PLCG1: variants seen among roughly 807,000 people sequenced by gnomAD.
The protein encoded by PLCG1 is 1-phosphatidylinositol 4,5-bisphosphate phosphodiesterase gamma-1.
PLCG1 carries 71 observed loss-of-function variants against 177.8 expected under a neutral mutation model. That is an observed-to-expected ratio of 0.40 (90% CI 0.33 to 0.49). PLCG1 has a LOEUF of 0.49. Ranked by LOEUF, PLCG1 falls within the 20% of genes least tolerant of loss-of-function variation. The probability of loss-of-function intolerance (pLI) is 0.72; values close to 1 mark genes in which losing one functional copy is unlikely to be tolerated. For missense variants in PLCG1, 1,281 were observed against 1,709.0 expected, an observed-to-expected ratio of 0.75 and a Z score of 4.42; for synonymous variants, 658 against 647.9, an observed-to-expected ratio of 1.02 and a Z score of -0.24.
rs533059380 is a variant in PLCG1 at position 41,151,937 on chromosome 20, C to T, written c.218-7669C>T. ...AGGGGGATCTGCAGTGCAGTGCCTGCCGTACCCCACAGGGAGTTGTATAGG... is the reference window on the plus strand; with the variant it reads ...AGGGGGATCTGCAGTGCAGTGCCTGTCGTACCCCACAGGGAGTTGTATAGG... On this transcript the variant is annotated intron_variant, in intron 1 of 31. Transcript: ENST00000685551. This position sits in a 1 kb window ranked among gnomAD's most constrained non-coding sequence, Gnocchi z 5.5. Among the ~76,000 whole-genome samples the T allele has an allele frequency of 6.6e-6, 1 of 152,322 alleles. No homozygotes were observed. The highest frequency in any genetic ancestry group is 2.4e-5 in the African/African-American group (1 of 41,578).
chr20:41,159,479 T>G lies in PLCG1; in HGVS notation c.218-127T>G. 2 of 876,726 alleles carry G rather than the reference T, an allele frequency of 2.3e-6. No individual in the cohort carries two copies. The highest frequency in any genetic ancestry group is 3.5e-6 in the Non-Finnish European group (2 of 571,038). The allele number at this position is 876,726 out of a possible 1,614,324, so 54.3% of individuals were successfully genotyped here. Reference sequence around the variant, plus strand: ...TCTTATTACCAGAGTGACTGAGTGGTCTTGGCTCTGCCTCTGGGGTTCCTC... The same window carrying G: ...TCTTATTACCAGAGTGACTGAGTGGGCTTGGCTCTGCCTCTGGGGTTCCTC... On this transcript the variant is annotated intron_variant, in intron 1 of 31. Coordinates refer to ENST00000685551, the MANE Select transcript of PLCG1 (RefSeq NM_002660.3). The surrounding 1 kb of genome is among the most constrained non-coding windows in gnomAD (Gnocchi z 6.0).
At chr20:41,140,915 C>G (rs948468551) in intron 1 of PLCG1, among the ~76,000 whole-genome samples, 2 of 152,164 alleles carry the variant, frequency 1.3e-5, no homozygotes, top group Non-Finnish European at 2.9e-5. Context: ...CAGCTGGGGC[C>G]AGCTCACTAG....
chr20:41,163,259 T>C lies in PLCG1; in HGVS notation c.773T>C (p.Leu258Pro). Residue 258 changes from leucine to proline, a missense_variant, in exon 8 of 32, where the codon CTT (leucine) becomes CCT (proline). This residue lies in a region of PLCG1 where 374 missense variants were observed against 443.8 expected (regional missense o/e 0.84). Coordinates refer to ENST00000685551, the MANE Select transcript of PLCG1 (RefSeq NM_002660.3). The surrounding 1 kb of genome is among the most constrained non-coding windows in gnomAD (Gnocchi z 5.2). ...TCCCTTCCTGAGTTCCAGCAGTTCCTTCTTGACTACCAGGGGGTATGGCTG... is the reference window on the plus strand; with the variant it reads ...TCCCTTCCTGAGTTCCAGCAGTTCCCTCTTGACTACCAGGGGGTATGGCTG... ...RVSLPEFQQF[L>P]LDYQGELWAV... The C allele has an allele frequency of 6.4e-7, 1 of 1,559,180 alleles. No individual in the cohort carries two copies. The highest frequency in any genetic ancestry group is 8.7e-7 in the Non-Finnish European group (1 of 1,154,818).
chr20:41,169,713 C>A, intron 23 of PLCG1, 187 bp downstream of exon 23: 1 of 602,176 alleles, frequency 1.7e-6, no homozygotes. Context: ...AGCTTTGACC[C>A]CTGCATGTTT....
In PLCG1 at chr20:41,163,063, C is replaced by G. The variant is rs935432344; in HGVS notation, c.716+71C>G. The G allele has an allele frequency of 6.5e-7, 1 of 1,548,402 alleles. No individual in the cohort carries two copies. The highest frequency in any genetic ancestry group is 1.4e-5 in the African/African-American group (1 of 73,714). On this transcript the variant is annotated intron_variant, in intron 7 of 31. Coordinates refer to ENST00000685551, the MANE Select transcript of PLCG1 (RefSeq NM_002660.3). This position sits in a 1 kb window ranked among gnomAD's most constrained non-coding sequence, Gnocchi z 5.2. Reference sequence around the variant, plus strand: ...ATCTCTCCACTGGGCGATTCTTGATCCAGGTGGGAGGCAGTGGGAGTAGGG... The same window carrying G: ...ATCTCTCCACTGGGCGATTCTTGATGCAGGTGGGAGGCAGTGGGAGTAGGG...
intron 1 of PLCG1, among the ~76,000 whole-genome samples, chr20:41,152,357 TA>T (rs1310628033): frequency 6.6e-6 from 1 of 152,230 alleles, no homozygotes; most frequent in Non-Finnish European, 1.5e-5. Context: ...CCACTGGCTA[TA>T]GGAATCTTTA....
In PLCG1 at chr20:41,173,497, T is replaced by C; in HGVS notation, c.3357T>C (p.Ala1119=). Residue 1119 remains alanine, a synonymous_variant, in exon 28 of 32, where the codon GCT becomes GCC. Transcript: ENST00000685551. The surrounding 1 kb of genome is among the most constrained non-coding windows in gnomAD (Gnocchi z 6.2). ...CPFVEIEVAG[A]EYDSTKQKTE... Reference sequence around the variant, plus strand: ...TTGTGGAGATTGAGGTGGCTGGAGCTGAGTATGACAGCACCAAGCAGAAGA... The same window carrying C: ...TTGTGGAGATTGAGGTGGCTGGAGCCGAGTATGACAGCACCAAGCAGAAGA... 1 of 1,587,090 alleles carries C rather than the reference T, an allele frequency of 6.3e-7. No homozygotes were observed. The highest frequency in any genetic ancestry group is 8.6e-7 in the Non-Finnish European group (1 of 1,166,582).
chr20:41,173,090 C>T lies in PLCG1; in HGVS notation c.3279+213C>T, dbSNP rs987575977. ...GCCATGGTGTGACTTGTTCTGATGACTTGTTTTGTTCTGATGAGATCTTTT... is the reference window on the plus strand; with the variant it reads ...GCCATGGTGTGACTTGTTCTGATGATTTGTTTTGTTCTGATGAGATCTTTT... On this transcript the variant is annotated intron_variant, in intron 27 of 31. Transcript: ENST00000685551. The surrounding 1 kb of genome is among the most constrained non-coding windows in gnomAD (Gnocchi z 6.2). Among the ~76,000 whole-genome samples the T allele has an allele frequency of 1.3e-5, 2 of 152,148 alleles. No homozygotes were observed. Among genetic ancestry groups the T allele is most frequent in the Non-Finnish European group, 2.9e-5 (2 of 68,032 alleles).
rs1225247921 is a variant in PLCG1, at chr20:41,177,322, A to G, written c.*2813A>G. The G allele has an allele frequency of 6.6e-6, 1 of 152,276 alleles. No individual in the cohort carries two copies. The highest frequency in any genetic ancestry group is 1.5e-5 in the Non-Finnish European group (1 of 68,066). The allele number at this position is 152,276 out of a possible 1,614,324, so 9.4% of individuals were successfully genotyped here. ...AGGGGCATTCTGCCCCCGCCACAGG[A>G]CTAAAGACTGCCCTGCGGGAAGATG... On this transcript the variant is annotated 3_prime_UTR_variant, in exon 32 of 32. Transcript: ENST00000685551.
At chr20:41,169,711 C>A in intron 23 of PLCG1, 185 bp downstream of exon 23, 1 of 605,452 alleles carries the variant, frequency 1.7e-6, no homozygotes, top group Non-Finnish European at 2.9e-6. Context: ...TCAGCTTTGA[C>A]CCCTGCATGT....
chr20:41,160,137 C>A lies in PLCG1; in HGVS notation c.496C>A (p.Arg166=). 6.2e-7 allele frequency: 1 copy of A among 1,614,022 alleles called. No homozygotes were observed. The highest frequency in any genetic ancestry group is 8.5e-7 in the Non-Finnish European group (1 of 1,179,940). The change falls in exon 4 of 32, where the codon CGG becomes AGG. Residue 166 remains arginine, a synonymous_variant. Transcript: ENST00000685551. The surrounding 1 kb of genome is among the most constrained non-coding windows in gnomAD (Gnocchi z 5.5). ...CCGGAAGCAGTTTTACTCAGTGGAT[C>A]GGAATCGTGAGGATCGGTAAGTACT... is the stretch of plus-strand genomic sequence containing the variant. ...WLRKQFYSVD[R]NREDRISAKD...
chr20:41,156,014 G>C lies in PLCG1; in HGVS notation c.218-3592G>C, dbSNP rs2035310770. Reference sequence around the variant, plus strand: ...AGAAGGCAGATCTCCATCAGGGCAGGGAGCAGAGCAAGGCCCCAGGATTCT... The same window carrying C: ...AGAAGGCAGATCTCCATCAGGGCAGCGAGCAGAGCAAGGCCCCAGGATTCT... On this transcript the variant is annotated intron_variant, in intron 1 of 31. Transcript: ENST00000685551. This position sits in a 1 kb window ranked among gnomAD's most constrained non-coding sequence, Gnocchi z 5.0. Among the ~76,000 whole-genome samples, 1 of 152,166 alleles carries C rather than the reference G, an allele frequency of 6.6e-6. No homozygotes were observed. The highest frequency in any genetic ancestry group is 6.5e-5 in the Admixed American group (1 of 15,282).
In PLCG1 at chr20:41,162,239, T is replaced by TG. The variant is rs1174528825; in HGVS notation, c.513-213_513-212insG. 157 of 263,764 alleles carry TG rather than the reference T, an allele frequency of 6.0e-4. 1 individual carries two copies. The highest frequency in any genetic ancestry group is 3.9e-3 in the South Asian group (22 of 5,580). 16.3% of individuals were successfully genotyped at this position (263,764 alleles called of 1,614,324 possible). A position where few individuals can be genotyped will look rare whatever the true frequency, so the allele number is the denominator to read the frequency against. On this transcript the variant is annotated intron_variant, in intron 4 of 31. Transcript: ENST00000685551. ...TTTTTTGTTTGTTTTGTTTTTGTTT[T>TG]TTTTTTTTTTTTTTTTGCTCAGATG...
chr20:41,165,930 A>G lies in PLCG1; in HGVS notation c.1799+104A>G. ...ACATTTGAGCCTTTGATCCAGGACA[A>G]TAATTAGGCTTTACATGGAACATAA... On this transcript the variant is annotated intron_variant, in intron 16 of 31. Transcript: ENST00000685551. This position sits in a 1 kb window ranked among gnomAD's most constrained non-coding sequence, Gnocchi z 6.6. 2.0e-6 allele frequency: 2 copies of G among 985,386 alleles called. No individual in the cohort carries two copies. The highest frequency in any genetic ancestry group is 2.4e-5 in the Admixed American group (1 of 41,752). 61.0% of individuals were successfully genotyped at this position (985,386 alleles called of 1,614,324 possible).
rs1438295964 is a variant in PLCG1 at position 41,174,726 on chromosome 20, T to C, written c.*217T>C. The stretch of plus-strand genomic sequence containing the variant: ...CCCAGCTCTGGATGAAGGCAAAAAC[T>C]GTACTGTGTTTCGCATTAAGCACAC... On this transcript the variant is annotated 3_prime_UTR_variant, in exon 32 of 32. Transcript: ENST00000685551. The surrounding 1 kb of genome is among the most constrained non-coding windows in gnomAD (Gnocchi z 5.8). 7 of 583,908 alleles carry C rather than the reference T, an allele frequency of 1.2e-5. No homozygotes were observed. In the East Asian group the frequency reaches 1.7e-4, roughly 14 times the overall value. 36.2% of individuals were successfully genotyped at this position (583,908 alleles called of 1,614,324 possible).
Position 41,175,976 on chromosome 20 carries a change from T to C in PLCG1, c.*1467T>C, listed in dbSNP as rs2036054781. The C allele has an allele frequency of 6.6e-6, 1 of 152,132 alleles. No individual in the cohort carries two copies. Among genetic ancestry groups the C allele is most frequent in the South Asian group, 2.1e-4 (1 of 4,820 alleles). 9.4% of individuals were successfully genotyped at this position (152,132 alleles called of 1,614,324 possible). A position where few individuals can be genotyped will look rare whatever the true frequency, so the allele number is the denominator to read the frequency against. On this transcript the variant is annotated 3_prime_UTR_variant, in exon 32 of 32. Transcript: ENST00000685551. Reference sequence around the variant, plus strand: ...CCTGGGTTCTTTGTGGCCAGCCAGTTTTGGTGGTGAGCTGGAAACAACCAG... The same window carrying C: ...CCTGGGTTCTTTGTGGCCAGCCAGTCTTGGTGGTGAGCTGGAAACAACCAG...
rs1352241230 is a variant in PLCG1 at position 41,147,053 on chromosome 20, G to T, written c.217+9195G>T. Among the ~76,000 whole-genome samples, 2 of 152,168 alleles carry T rather than the reference G, an allele frequency of 1.3e-5. No individual in the cohort carries two copies. The highest frequency in any genetic ancestry group is 1.5e-5 in the Non-Finnish European group (1 of 68,032). On this transcript the variant is annotated intron_variant, in intron 1 of 31. Transcript: ENST00000685551. This position sits in a 1 kb window ranked among gnomAD's most constrained non-coding sequence, Gnocchi z 4.0. ...GGTGATGGTCCTTCTCTGAGGCACT[G>T]AAGACCCACTTTATGGTCACCCTAT...
At chr20:41,152,669 T>C (rs1166792196) in intron 1 of PLCG1, among the ~76,000 whole-genome samples, 2 of 152,240 alleles carry the variant, frequency 1.3e-5, no homozygotes, top group African/African-American at 2.4e-5. Context: ...TCTGAACATT[T>C]TGAGGCCTCC....
rs2035755432 is a variant in PLCG1 at position 41,167,866 on chromosome 20, G to A, written c.2316G>A (p.Gly772=). 3 of 1,613,368 alleles carry A rather than the reference G, an allele frequency of 1.9e-6. No individual in the cohort carries two copies. Among genetic ancestry groups the A allele is most frequent in the Non-Finnish European group, 2.5e-6 (3 of 1,179,448 alleles). ...EKIGTAEPDY[G]ALYEGRNPGF... is the part of the protein sequence containing the mutation. ...CCTGTTTCCAGGAGCCTGACTACGG[G>A]GCCCTGTATGAGGGACGCAACCCTG... The change falls in exon 20 of 32, where the codon GGG becomes GGA. Residue 772 remains glycine, a synonymous_variant. Coordinates refer to ENST00000685551, the MANE Select transcript of PLCG1 (RefSeq NM_002660.3). The surrounding 1 kb of genome is among the most constrained non-coding windows in gnomAD (Gnocchi z 4.4).
Sources: gnomAD v4.1 joint callset for allele counts (sites outside exome capture counted in the v4.1 genomes callset) on GRCh38, gnomAD v4.1.1 for gene constraint, gnomAD v4.1.1 regional missense constraint, Gnocchi (gnomAD v3.1) non-coding constraint, MANE v1.5 for transcripts, NCBI Gene and HGNC (gene_info 2026-07-23, HGNC 2026-07-21) for gene names.